Variants in METAP2 observed in about 807,000 individuals in gnomAD.
The protein encoded by METAP2 is methionyl aminopeptidase 2, also known as methionine aminopeptidase 2.
In METAP2, 25 loss-of-function variants were observed where a neutral mutation model predicts 59.4. The ratio of observed to expected loss-of-function variants is 0.42; its 90% confidence interval spans 0.31 to 0.59. METAP2 has a LOEUF of 0.59. Among genes scored for constraint, METAP2 ranks in the 20% least tolerant of loss-of-function variants. The pLI, the probability that METAP2 is intolerant of heterozygous loss-of-function variation, is 0.16. For synonymous variants in METAP2, 214 were observed against 194.1 expected (o/e 1.10, Z -0.85); for missense variants, 366 against 581.2 (o/e 0.63, Z 3.81).
At chr12:95,503,049 AG>A (rs1440695017) in intron 7 of METAP2, among the ~76,000 whole-genome samples, 3 of 149,314 alleles carry the variant, frequency 2.0e-5, no homozygotes, top group Non-Finnish European at 4.4e-5. Flanking sequence ...ATCTGCCATC[AG>A]GTGTTTTTTC....
intron 4 of METAP2, among the ~76,000 whole-genome samples, chr12:95,490,775 C>CT (rs912308409): frequency 1.3e-5 from 2 of 152,050 alleles, no homozygotes; most frequent in Non-Finnish European, 2.9e-5. Flanking sequence ...ACCTTTTTCT[C>CT]TTTCTCTTCA....
At chr12:95,480,037 G>A (rs879443372) in intron 2 of METAP2, among the ~76,000 whole-genome samples, 76 of 152,298 alleles carry the variant, frequency 5.0e-4, no homozygotes, top group Admixed American at 4.1e-3. Flanking sequence ...AAAAAGTTGT[G>A]TCTCTTGTAG....
chr12:95,480,416 G>C (rs909099908), intron 2 of METAP2, among the ~76,000 whole-genome samples: 3 of 152,202 alleles, frequency 2.0e-5, no homozygotes, highest in Non-Finnish European at 4.4e-5. Flanking sequence ...CATATGGTAA[G>C]TATGTGTTTA....
rs199585115 is a variant in METAP2 at position 95,504,173 on chromosome 12, T to C, written c.964+12T>C. On this transcript the variant is annotated intron_variant, in intron 8 of 10. Transcript: ENST00000323666. ...GAAGACATATCAAGGTATGTTCTTTTAAAATATATCTTATTTTGAAATTGA... is the reference window on the plus strand; with the variant it reads ...GAAGACATATCAAGGTATGTTCTTTCAAAATATATCTTATTTTGAAATTGA... The C allele has an allele frequency of 8.1e-5, 122 of 1,498,684 alleles. No homozygotes were observed. The highest frequency in any genetic ancestry group is 1.1e-4 in the Non-Finnish European group (116 of 1,082,164). The allele number at this position is 1,498,684 out of a possible 1,614,324, so 92.8% of individuals were successfully genotyped here.
At position 95,490,103 on chromosome 12, in the gene METAP2, C is replaced by CTT. The variant is rs573271455; in HGVS notation, c.429-3943_429-3942dup. ...AGTCTGTATATATATAGTTTTTTTT[C>CTT]TTTTTTTTTTTGTTTTGAGACAAGG... On this transcript the variant is annotated intron_variant, in intron 4 of 10. Coordinates refer to ENST00000323666, the MANE Select transcript of METAP2 (RefSeq NM_006838.4). Among the ~76,000 whole-genome samples the CTT allele has an allele frequency of 9.0e-3, 1,280 of 142,208 alleles. 24 individuals are homozygous for CTT. Among genetic ancestry groups the CTT allele is most frequent in the African/African-American group, 0.031 (1,224 of 38,910 alleles). 93.3% of individuals were successfully genotyped at this position (142,208 alleles called of 152,430 possible).
At chr12:95,505,675 A>G (rs1212555572) in intron 8 of METAP2, among the ~76,000 whole-genome samples, 2 of 152,018 alleles carry the variant, frequency 1.3e-5, no homozygotes, top group East Asian at 2.0e-4. Flanking sequence ...TTGTATTTTT[A>G]GTAGAGGCGG....
Position 95,494,170 on chromosome 12 carries a change from A to G in METAP2, c.543A>G (p.Lys181=). 6.2e-7 allele frequency: 1 copy of G among 1,614,120 alleles called. No homozygotes were observed. Among genetic ancestry groups the G allele is most frequent in the Non-Finnish European group, 8.5e-7 (1 of 1,179,994 alleles). The part of the protein sequence containing the change: ...EAAEAHRQVR[K]YVMSWIKPGM... ...CAGAAGCACATCGACAAGTTAGAAA[A>G]TACGTAATGAGCTGGATCAAGCCTG... The change falls in exon 5 of 11, where the codon AAA becomes AAG. Residue 181 remains lysine (K), a synonymous_variant. Transcript: ENST00000323666.
In METAP2 at chr12:95,515,283, G is replaced by A. The variant is rs301027; in HGVS notation, c.*1379G>A. The A allele has an allele frequency of 0.079, 12,065 of 152,542 alleles. 659 individuals are homozygous for A. Among genetic ancestry groups the A allele is most frequent in the Non-Finnish European group, 0.12 (8,020 of 67,992 alleles). The allele number at this position is 152,542 out of a possible 1,614,324, so 9.4% of individuals were successfully genotyped here. A position where few individuals can be genotyped will look rare whatever the true frequency, so the allele number is the denominator to read the frequency against. On this transcript the variant is annotated 3_prime_UTR_variant, in exon 11 of 11. Coordinates refer to ENST00000323666, the MANE Select transcript of METAP2 (RefSeq NM_006838.4). ...AGCTATAAATGAATGTTACCTTGTC[G>A]GGAAACAATCTAGGTTTTAGCTGTA...
chr12:95,493,598 G>C (rs1001013847), intron 4 of METAP2, among the ~76,000 whole-genome samples: 13 of 152,224 alleles, frequency 8.5e-5, no homozygotes, highest in Non-Finnish European at 1.8e-4. Context: ...TATGTGTTTT[G>C]AGGAAGTATA....
chr12:95,476,897 A>C (rs933671921), intron 2 of METAP2, among the ~76,000 whole-genome samples: 3 of 152,134 alleles, frequency 2.0e-5, no homozygotes, highest in African/African-American at 7.2e-5. Flanking sequence ...GTGCTTAGAT[A>C]TCCATTTTGT....
At chr12:95,505,431 G>A (rs1412035292) in intron 8 of METAP2, among the ~76,000 whole-genome samples, 1 of 151,416 alleles carries the variant, frequency 6.6e-6, no homozygotes, top group African/African-American at 2.4e-5. Flanking sequence ...GGGTTCAAGC[G>A]ATTCTGCCTC....
At chr12:95,511,021 T>G (rs985300212) in intron 8 of METAP2, among the ~76,000 whole-genome samples, 2 of 152,204 alleles carry the variant, frequency 1.3e-5, no homozygotes, top group Non-Finnish European at 2.9e-5. Flanking sequence ...TTTTGATTGT[T>G]GAATGTTATT....
chr12:95,494,890 A>G, intron 5 of METAP2, 67 bp from the exon 6 acceptor site: 1 of 1,313,374 alleles, frequency 7.6e-7, no homozygotes, highest in Non-Finnish European at 1.0e-6. Flanking sequence ...TTGATGAACT[A>G]TATGGTATTA....
In METAP2 at chr12:95,474,322, C is replaced by A; in HGVS notation, c.143C>A (p.Pro48His). 3 of 1,613,970 alleles carry A rather than the reference C, an allele frequency of 1.9e-6. No individual in the cohort carries two copies. Among genetic ancestry groups the A allele is most frequent in the South Asian group, 1.1e-5 (1 of 91,068 alleles). ...CGAAAGAAGAAGAAGAGCAAAGGGC[C>A]TTCTGCAGGTAAAGAGAGTTTTATG... is the stretch of plus-strand genomic sequence containing the variant. ...KRRKKKKSKG[P>H]SAAGEQEPDK... is the part of the protein sequence containing the mutation. The change falls in exon 1 of 11, where the codon CCT becomes CAT. Residue 48 changes from proline (P) to histidine (H), a missense_variant. This residue lies in a region of METAP2 where 177 missense variants were observed against 180.3 expected (regional missense o/e 0.98). Coordinates refer to ENST00000323666, the MANE Select transcript of METAP2 (RefSeq NM_006838.4).
chr12:95,485,254 A>T (rs1312551737), intron 3 of METAP2, among the ~76,000 whole-genome samples: 1 of 152,176 alleles, frequency 6.6e-6, no homozygotes, highest in Non-Finnish European at 1.5e-5. Flanking sequence ...CTAGACTTCA[A>T]CTTTGATATT....
chr12:95,480,467 G>A (rs1036156204), intron 2 of METAP2, among the ~76,000 whole-genome samples: 2 of 152,162 alleles, frequency 1.3e-5, no homozygotes, highest in Non-Finnish European at 2.9e-5. Flanking sequence ...TGGCTATGCT[G>A]TTTTGCATTC....
chr12:95,495,895 C>G (rs1275264240), intron 6 of METAP2, 109 bp from the exon 7 acceptor site: 2 of 679,724 alleles, frequency 2.9e-6, no homozygotes, highest in Non-Finnish European at 5.0e-6. Context: ...TCATTTGAGC[C>G]TTCATTCTAT....
chr12:95,501,200 A>T (rs2076312754), intron 7 of METAP2, among the ~76,000 whole-genome samples: 1 of 151,980 alleles, frequency 6.6e-6, no homozygotes, highest in South Asian at 2.1e-4. Flanking sequence ...ATAATATTTT[A>T]AATTTTTTGT....
intron 4 of METAP2, among the ~76,000 whole-genome samples, chr12:95,493,584 G>A (rs2076255032): frequency 6.6e-6 from 1 of 152,226 alleles, no homozygotes; most frequent in Non-Finnish European, 1.5e-5. Context: ...GCACACGCAT[G>A]TAATATGTGT....
Sources: allele counts gnomAD v4.1 joint callset (sites outside exome capture counted in the v4.1 genomes callset), GRCh38; gene constraint gnomAD v4.1.1; regional missense constraint gnomAD v4.1.1; transcripts MANE v1.5; gene names NCBI Gene and HGNC (gene_info 2026-07-23, HGNC 2026-07-21).